Variants in COLEC12 observed in about 807,000 individuals in gnomAD.
COLEC12 encodes the protein collectin subfamily member 12.
A neutral mutation model predicts 71.1 loss-of-function variants in COLEC12; 33 were observed. That is an observed-to-expected ratio of 0.46 (90% CI 0.35 to 0.62). The LOEUF is 0.62. Ranked by LOEUF, COLEC12 falls within the 20% of genes least tolerant of loss-of-function variation. The pLI, the probability that COLEC12 is intolerant of heterozygous loss-of-function variation, is 0.00. For missense variants in COLEC12, 765 were observed against 916.1 expected (o/e 0.84, Z 2.13); for synonymous variants, 350 against 353.0 (o/e 0.99, Z 0.10).
chr18:479,551 C>CTA (rs72423584), intron 2 of COLEC12, among the ~76,000 whole-genome samples: 1 of 97,360 alleles, frequency 1.0e-5, no homozygotes, highest in African/African-American at 3.9e-5. Flanking sequence ...CTCTCTCTCT[C>CTA]ACACACACAC....
chr18:497,656 TC>T (rs1451762476), intron 1 of COLEC12, among the ~76,000 whole-genome samples: 8 of 152,210 alleles, frequency 5.3e-5, no homozygotes, highest in Non-Finnish European at 1.0e-4. Flanking sequence ...TGCCTCAGCC[TC>T]CCAAAGTGCT....
chr18:477,593 G>T (rs1567920223), intron 2 of COLEC12, among the ~76,000 whole-genome samples: 1 of 152,076 alleles, frequency 6.6e-6, no homozygotes, highest in African/African-American at 2.4e-5. Context: ...TTCTGCAGTG[G>T]CTGTACCAAA....
chr18:482,036 C>T (rs1261217563), intron 1 of COLEC12, among the ~76,000 whole-genome samples: 4 of 151,862 alleles, frequency 2.6e-5, no homozygotes, highest in African/African-American at 9.7e-5. Flanking sequence ...GCATAGCACC[C>T]GACACGTAGT....
chr18:355,001 C>T (rs1914600172), intron 3 of COLEC12, among the ~76,000 whole-genome samples: 1 of 152,054 alleles, frequency 6.6e-6, no homozygotes, highest in Non-Finnish European at 1.5e-5. Flanking sequence ...CTGCTGTTTG[C>T]CTTCCTGGAA....
At chr18:342,184 A>G (rs1029700523) in intron 5 of COLEC12, among the ~76,000 whole-genome samples, 4 of 152,120 alleles carry the variant, frequency 2.6e-5, no homozygotes, top group African/African-American at 9.7e-5. Context: ...CAGCCTCCCA[A>G]GTAGCTGGGA....
chr18:356,970 G>C (rs546596863), intron 3 of COLEC12, among the ~76,000 whole-genome samples: 181 of 152,288 alleles, frequency 1.2e-3, no homozygotes, highest in African/African-American at 4.2e-3. Flanking sequence ...TTAGTTGGCC[G>C]ATCCCTGGGT....
At chr18:466,379 G>T (rs9952919) in intron 2 of COLEC12, among the ~76,000 whole-genome samples, 1 of 151,782 alleles carries the variant, frequency 6.6e-6, no homozygotes, top group Non-Finnish European at 1.5e-5. Context: ...GTGGCCCTCC[G>T]CCTTCTCCCA....
At position 480,428 on chromosome 18, in the gene COLEC12, C is replaced by T. The variant is rs1917391277; in HGVS notation, c.58+279G>A. On this transcript the variant is annotated intron_variant, in intron 2 of 9. Coordinates refer to ENST00000400256, the MANE Select transcript of COLEC12 (RefSeq NM_130386.3). The surrounding 1 kb of genome is among the most constrained non-coding windows in gnomAD (Gnocchi z 4.1). ...TCACAGATTTGCCTTTCCCGCTACACTTTGTCTAGTAGGCTGTCTCTTTTC... is the reference window on the plus strand; with the variant it reads ...TCACAGATTTGCCTTTCCCGCTACATTTTGTCTAGTAGGCTGTCTCTTTTC... 1.3e-5 allele frequency among the ~76,000 whole-genome samples: 2 copies of T among 152,200 alleles called. No homozygotes were observed. Among genetic ancestry groups the T allele is most frequent in the Admixed American group, 6.5e-5 (1 of 15,276 alleles).
At chr18:333,255 C>T (rs527541745) in intron 6 of COLEC12, 112 bp from the exon 7 acceptor site, 4 of 844,888 alleles carry the variant, frequency 4.7e-6, no homozygotes, top group Admixed American at 2.8e-5. Flanking sequence ...GCAGCCTGAG[C>T]GTCCCTGCAC....
chr18:338,865 T>C (rs1914178261), intron 5 of COLEC12, among the ~76,000 whole-genome samples: 1 of 152,244 alleles, frequency 6.6e-6, no homozygotes, highest in Admixed American at 6.5e-5. Flanking sequence ...TAAACTTTTT[T>C]CTCAACTATT....
chr18:321,610 T>C, intron 9 of COLEC12, 52 bp downstream of exon 9: 1 of 1,608,398 alleles, frequency 6.2e-7, no homozygotes. Context: ...CCCCTCACCC[T>C]TTCATAGGAC....
intron 2 of COLEC12, among the ~76,000 whole-genome samples, chr18:425,988 C>T (rs1916191615): frequency 6.6e-6 from 1 of 152,188 alleles, no homozygotes; most frequent in Admixed American, 6.5e-5. Flanking sequence ...ATCCTCACAG[C>T]AACCCTGTGC....
rs559944569 is a variant in COLEC12 at position 447,673 on chromosome 18, C to T, written c.58+33034G>A. On this transcript the variant is annotated intron_variant, in intron 2 of 9. Coordinates refer to ENST00000400256, the MANE Select transcript of COLEC12 (RefSeq NM_130386.3). ...CCAGTTTCTCCTTCTGTAAAATTCACCTCTCCACATATACTTGACAACATT... is the reference window on the plus strand; with the variant it reads ...CCAGTTTCTCCTTCTGTAAAATTCATCTCTCCACATATACTTGACAACATT... Among the ~76,000 whole-genome samples, 14 of 152,302 alleles carry T rather than the reference C, an allele frequency of 9.2e-5. No individual in the cohort carries two copies. In the South Asian group the frequency reaches 2.5e-3, roughly 27 times the overall value.
chr18:494,899 G>C (rs189797868), intron 1 of COLEC12, among the ~76,000 whole-genome samples: 23 of 152,088 alleles, frequency 1.5e-4, no homozygotes, highest in African/African-American at 4.8e-4. Context: ...GAAGCATAAA[G>C]GAGTCATGTT....
intron 5 of COLEC12, among the ~76,000 whole-genome samples, chr18:339,065 T>C (rs1253128329): frequency 6.6e-6 from 1 of 150,766 alleles, no homozygotes; most frequent in African/African-American, 2.4e-5. Context: ...TTGCAAGTTA[T>C]GGGAAATGAG....
At chr18:424,764 T>C (rs1916164276) in intron 2 of COLEC12, among the ~76,000 whole-genome samples, 2 of 152,288 alleles carry the variant, frequency 1.3e-5, no homozygotes, top group South Asian at 4.1e-4. Context: ...AACAAGTATG[T>C]TGGACCTACT....
intron 2 of COLEC12, among the ~76,000 whole-genome samples, chr18:440,378 TACACAC>T (rs142637035): frequency 0.041 from 4,986 of 121,382 alleles, 258 homozygotes; most frequent in African/African-American, 0.13. Context: ...CACACACACA[TACACAC>T]ACACACACAC....
intron 5 of COLEC12, among the ~76,000 whole-genome samples, chr18:340,561 A>T (rs1264304185): frequency 6.6e-6 from 1 of 152,216 alleles, no homozygotes; most frequent in Non-Finnish European, 1.5e-5. Context: ...CCTACCCAAG[A>T]GAAGTTTCAA....
chr18:340,425 C>T (rs1346385702), intron 5 of COLEC12, among the ~76,000 whole-genome samples: 1 of 152,166 alleles, frequency 6.6e-6, no homozygotes, highest in Non-Finnish European at 1.5e-5. Context: ...GCCCACGGTT[C>T]TGGGAGCCTT....
Sources: gnomAD v4.1 joint callset for allele counts (sites outside exome capture counted in the v4.1 genomes callset) on GRCh38, gnomAD v4.1.1 for gene constraint, Gnocchi (gnomAD v3.1) non-coding constraint, MANE v1.5 for transcripts, NCBI Gene and HGNC (gene_info 2026-07-23, HGNC 2026-07-21) for gene names.